The following ARFIP1 variants were observed in gnomAD, a reference collection of about 807,000 sequenced individuals.
ARFIP1 encodes the protein ARF interacting protein 1.
A neutral mutation model predicts 42.5 loss-of-function variants in ARFIP1; 24 were observed. The ratio of observed to expected loss-of-function variants is 0.57; its 90% CI spans 0.41 to 0.80. The LOEUF (loss-of-function observed/expected upper bound fraction) is 0.80. ARFIP1 is among the 30% of genes least tolerant of loss of function. The pLI, the probability that ARFIP1 is intolerant of heterozygous loss-of-function variation, is 0.00. For missense variants in ARFIP1, 354 were observed against 434.0 expected (o/e 0.82, Z 1.64); for synonymous variants, 141 against 153.7 (o/e 0.92, Z 0.61).
At chr4:152,884,192 C>G (rs1736084641) in intron 7 of ARFIP1, among the ~76,000 whole-genome samples, 1 of 151,950 alleles carries the variant, frequency 6.6e-6, no homozygotes, top group Non-Finnish European at 1.5e-5. Context: ...GAAGGTCAAA[C>G]AGCTGTGGTT....
intron 1 of ARFIP1, among the ~76,000 whole-genome samples, chr4:152,827,584 T>C (rs1298052833): frequency 6.6e-6 from 1 of 152,218 alleles, no homozygotes; most frequent in Non-Finnish European, 1.5e-5. Flanking sequence ...CACTAACTTC[T>C]AGCACCCTCT....
chr4:152,780,439 G>T (rs922934246), intron 1 of ARFIP1, among the ~76,000 whole-genome samples: 8 of 152,154 alleles, frequency 5.3e-5, no homozygotes, highest in Non-Finnish European at 1.0e-4. Flanking sequence ...CGAAACAGTC[G>T]AGTGAAGGTG....
At chr4:152,855,542 T>C (rs1733360223) in intron 2 of ARFIP1, among the ~76,000 whole-genome samples, 1 of 152,218 alleles carries the variant, frequency 6.6e-6, no homozygotes, top group Admixed American at 6.5e-5. Context: ...TACAGTAGTC[T>C]GCTATCACTT....
intron 2 of ARFIP1, among the ~76,000 whole-genome samples, chr4:152,854,164 C>T (rs1733233264): frequency 6.6e-6 from 1 of 152,146 alleles, no homozygotes; most frequent in Non-Finnish European, 1.5e-5. Flanking sequence ...CCACCTGCCT[C>T]AGCCTCTCAA....
chr4:152,811,064 A>G (rs1729414570), intron 1 of ARFIP1, among the ~76,000 whole-genome samples: 1 of 148,208 alleles, frequency 6.7e-6, no homozygotes, highest in African/African-American at 2.5e-5. Flanking sequence ...ATGGAAATCG[A>G]CAACAGCCAC....
chr4:152,788,661 A>G (rs1730955749), intron 1 of ARFIP1, among the ~76,000 whole-genome samples: 1 of 152,238 alleles, frequency 6.6e-6, no homozygotes, highest in African/African-American at 2.4e-5. Flanking sequence ...ATCCTGGATG[A>G]CAGAGCGAGA....
At chr4:152,874,311 A>G (rs971776163) in intron 5 of ARFIP1, among the ~76,000 whole-genome samples, 3 of 152,224 alleles carry the variant, frequency 2.0e-5, no homozygotes, top group Non-Finnish European at 4.4e-5. Flanking sequence ...GTATAGTACT[A>G]TGTGAAGGAG....
intron 1 of ARFIP1, among the ~76,000 whole-genome samples, chr4:152,781,234 C>CTTTTTTTTTTTTTTT (rs535397594): frequency 3.4e-5 from 4 of 118,920 alleles, no homozygotes; most frequent in East Asian, 2.4e-4. Flanking sequence ...TTTCTTTTTT[C>CTTTTTTTTTTTTTTT]TTTTTTTTTT....
rs370246527 is a variant in ARFIP1 at position 152,848,863 on chromosome 4, C to T, written c.94-14743C>T. ...CATGTGATTACAGTTTGTCTCCATT[C>T]TATATAGGAATGCAATATAATGTTT... is the stretch of plus-strand genomic sequence containing the variant. On this transcript the variant is annotated intron_variant, in intron 2 of 8. Transcript: ENST00000353617. Among the ~76,000 whole-genome samples the T allele has an allele frequency of 7.1e-4, 108 of 152,274 alleles. 5 individuals are homozygous for T. In the South Asian group the frequency reaches 0.022, roughly 30 times the overall value.
chr4:152,894,844 T>C (rs568968597), intron 8 of ARFIP1, among the ~76,000 whole-genome samples: 4 of 152,302 alleles, frequency 2.6e-5, no homozygotes, highest in African/African-American at 9.6e-5. Context: ...TTAAGAGTGG[T>C]TGGGGAAGGC....
chr4:152,829,766 G>T lies in ARFIP1; in HGVS notation c.93+40G>T, dbSNP rs10010297. 4.8e-5 allele frequency: 70 copies of T among 1,459,364 alleles called. 1 individual carries two copies. The Admixed American group carries it at 1.2e-3, about 25-fold the overall frequency. 90.4% of individuals were successfully genotyped at this position (1,459,364 alleles called of 1,614,324 possible). On this transcript the variant is annotated intron_variant, in intron 2 of 8. Coordinates refer to ENST00000353617, the MANE Select transcript of ARFIP1 (RefSeq NM_001025595.3). Reference sequence around the variant, plus strand: ...CTTTCTCTTAATGCAAAGAATCATGGTAAGTCTTTAAATGTTGAGATGAAA... The same window carrying T: ...CTTTCTCTTAATGCAAAGAATCATGTTAAGTCTTTAAATGTTGAGATGAAA...
chr4:152,816,934 G>T (rs895500335), intron 1 of ARFIP1, among the ~76,000 whole-genome samples: 3 of 152,130 alleles, frequency 2.0e-5, no homozygotes, highest in Admixed American at 1.3e-4. Context: ...TGTTACCTCT[G>T]TTAAGTTTTT....
At chr4:152,895,733 T>A (rs946584910) in intron 8 of ARFIP1, among the ~76,000 whole-genome samples, 1 of 151,890 alleles carries the variant, frequency 6.6e-6, no homozygotes, top group Non-Finnish European at 1.5e-5. Flanking sequence ...GATAATTTTT[T>A]AATTTTTTTG....
chr4:152,880,351 A>C (rs1426137744), intron 5 of ARFIP1, among the ~76,000 whole-genome samples: 11 of 55,016 alleles, frequency 2.0e-4, no homozygotes, highest in African/African-American at 4.8e-4. Flanking sequence ...CATCTCAGAC[A>C]AAAAAAAAAA....
chr4:152,877,445 T>C (rs2149888878), intron 5 of ARFIP1, among the ~76,000 whole-genome samples: 1 of 152,328 alleles, frequency 6.6e-6, no homozygotes, highest in South Asian at 2.1e-4. Flanking sequence ...ATTTACCCAA[T>C]ACCTGTACCC....
At chr4:152,894,424 A>G (rs1737139163) in intron 8 of ARFIP1, among the ~76,000 whole-genome samples, 1 of 152,224 alleles carries the variant, frequency 6.6e-6, no homozygotes, top group African/African-American at 2.4e-5. Context: ...AAGGAGATAG[A>G]TACATTCTTG....
At chr4:152,824,145 T>C (rs1278618003) in intron 1 of ARFIP1, among the ~76,000 whole-genome samples, 1 of 151,796 alleles carries the variant, frequency 6.6e-6, no homozygotes, top group African/African-American at 2.4e-5. Flanking sequence ...AAACCCCCTC[T>C]CTACTAAAAA....
intron 1 of ARFIP1, among the ~76,000 whole-genome samples, chr4:152,783,737 A>T (rs114370585): frequency 5.1e-4 from 78 of 152,264 alleles, no homozygotes; most frequent in African/African-American, 1.7e-3. Context: ...CAGTGGATGA[A>T]CATCTGGTTG....
intron 2 of ARFIP1, among the ~76,000 whole-genome samples, chr4:152,841,192 T>C (rs1438387321): frequency 6.6e-6 from 1 of 151,992 alleles, no homozygotes; most frequent in Non-Finnish European, 1.5e-5. Context: ...CGTGCCACCA[T>C]GCCCAGCTAA....
Sources: gnomAD v4.1 joint callset for allele counts (sites outside exome capture counted in the v4.1 genomes callset) on GRCh38, gnomAD v4.1.1 for gene constraint, MANE v1.5 for transcripts, NCBI Gene and HGNC (gene_info 2026-07-23, HGNC 2026-07-21) for gene names.